Variants in ITGA9 observed in about 807,000 individuals in gnomAD.
ITGA9 encodes the protein integrin alpha-9.
Under a neutral mutation model 127.8 loss-of-function variants are expected in ITGA9, and 56 were observed. That is an observed-to-expected ratio of 0.44 (90% confidence interval 0.35 to 0.55). ITGA9 has a LOEUF of 0.55. Ranked by LOEUF, ITGA9 falls within the 20% of genes least tolerant of loss-of-function variation. ITGA9 has a pLI of 0.00. For missense variants in ITGA9, 1,196 were observed against 1,347.1 expected (o/e 0.89, Z 1.76); for synonymous variants, 508 against 514.5 (o/e 0.99, Z 0.17).
In ITGA9 at chr3:37,820,549, T is replaced by G. The variant is rs959145497; in HGVS notation, c.*1560T>G. On this transcript the variant is annotated 3_prime_UTR_variant, in exon 28 of 28. Coordinates refer to ENST00000264741, the MANE Select transcript of ITGA9 (RefSeq NM_002207.3). ...TCTCTGTTTGACAGTAGATATATTGTCAGATGCACTGTGCTGCTTAGTTTT... is the reference window on the plus strand; with the variant it reads ...TCTCTGTTTGACAGTAGATATATTGGCAGATGCACTGTGCTGCTTAGTTTT... The G allele has an allele frequency of 6.6e-6, 1 of 152,298 alleles. No individual in the cohort carries two copies. Among genetic ancestry groups the G allele is most frequent in the Non-Finnish European group, 1.5e-5 (1 of 68,114 alleles). 9.4% of individuals were successfully genotyped at this position (152,298 alleles called of 1,614,324 possible). A position where few individuals can be genotyped will look rare whatever the true frequency, so the allele number is the denominator to read the frequency against.
At chr3:37,485,435 A>G (rs1217872535) in intron 4 of ITGA9, among the ~76,000 whole-genome samples, 1 of 151,580 alleles carries the variant, frequency 6.6e-6, no homozygotes, top group African/African-American at 2.4e-5. Flanking sequence ...CTTTAGCCTC[A>G]GGCCTGTCAC....
intron 18 of ITGA9, among the ~76,000 whole-genome samples, chr3:37,694,876 A>G (rs1700867748): frequency 6.6e-6 from 1 of 152,220 alleles, no homozygotes; most frequent in Admixed American, 6.5e-5. Context: ...AAAATCGAGA[A>G]CTTCAGTGTC....
At chr3:37,789,084 C>T (rs1028693123) in intron 26 of ITGA9, among the ~76,000 whole-genome samples, 1 of 152,118 alleles carries the variant, frequency 6.6e-6, no homozygotes, top group Non-Finnish European at 1.5e-5. Context: ...TCATTATTTT[C>T]TCCTGTGTGC....
intron 23 of ITGA9, among the ~76,000 whole-genome samples, chr3:37,758,938 T>C (rs954497435): frequency 6.6e-6 from 1 of 151,968 alleles, no homozygotes; most frequent in African/African-American, 2.4e-5. Flanking sequence ...GTGAAAACCT[T>C]CCTAGATCAA....
intron 16 of ITGA9, among the ~76,000 whole-genome samples, chr3:37,642,371 A>G (rs1207645380): frequency 6.6e-6 from 1 of 152,222 alleles, no homozygotes; most frequent in Non-Finnish European, 1.5e-5. Context: ...CTTATTTGCT[A>G]TTGATCCGCA....
chr3:37,565,457 A>G (rs916049183), intron 15 of ITGA9, among the ~76,000 whole-genome samples: 4 of 152,226 alleles, frequency 2.6e-5, no homozygotes, highest in African/African-American at 9.6e-5. Flanking sequence ...GATAATTGCC[A>G]TATATGCTAT....
chr3:37,658,644 G>A (rs750726878), intron 17 of ITGA9, among the ~76,000 whole-genome samples: 1 of 152,076 alleles, frequency 6.6e-6, no homozygotes, highest in Admixed American at 6.5e-5. Flanking sequence ...CATCCAATTT[G>A]CCAGTCTGTG....
At chr3:37,542,281 G>A (rs1699280614) in intron 14 of ITGA9, 144 bp from the exon 15 acceptor site, 5 of 852,394 alleles carry the variant, frequency 5.9e-6, no homozygotes, top group African/African-American at 1.7e-5. Context: ...TTCTGAGCAA[G>A]TCTCTGCTTG....
intron 18 of ITGA9, among the ~76,000 whole-genome samples, chr3:37,707,453 C>T (rs567989909): frequency 1.9e-3 from 283 of 152,198 alleles, no homozygotes; most frequent in African/African-American, 6.5e-3. Flanking sequence ...ATTTGCAGTA[C>T]CCTCAAGTAC....
At chr3:37,508,485 C>T (rs1559523230) in intron 7 of ITGA9, 74 bp from the exon 8 acceptor site, 4 of 1,246,404 alleles carry the variant, frequency 3.2e-6, no homozygotes, top group Non-Finnish European at 4.6e-6. Flanking sequence ...AAATAGGACT[C>T]CCAGGAGAGT....
chr3:37,576,189 G>T (rs946479646), intron 15 of ITGA9, among the ~76,000 whole-genome samples: 16 of 152,188 alleles, frequency 1.1e-4, no homozygotes, highest in Admixed American at 9.8e-4. Flanking sequence ...GACATAGCTG[G>T]TAATGACAAA....
At chr3:37,777,279 A>G in intron 23 of ITGA9, 113 bp from the exon 24 acceptor site, 1 of 1,224,494 alleles carries the variant, frequency 8.2e-7, no homozygotes, top group African/African-American at 1.5e-5. Flanking sequence ...CAAAATGGAC[A>G]AGGAGGAAAG....
Position 37,820,231 on chromosome 3 carries a change from G to A in ITGA9, c.*1242G>A, listed in dbSNP as rs1697496067. 1 of 152,228 alleles carries A rather than the reference G, an allele frequency of 6.6e-6. No individual in the cohort carries two copies. The highest frequency in any genetic ancestry group is 1.5e-5 in the Non-Finnish European group (1 of 68,050). The allele number at this position is 152,228 out of a possible 1,614,324, so 9.4% of individuals were successfully genotyped here. ...GAGAGCTCCATGAAGTTTAGCCTCA[G>A]CCTGATCAGGGGAACTCCGGAGGAA... On this transcript the variant is annotated 3_prime_UTR_variant, in exon 28 of 28. Coordinates refer to ENST00000264741, the MANE Select transcript of ITGA9 (RefSeq NM_002207.3).
At chr3:37,472,461 C>A (rs1038720648) in intron 2 of ITGA9, among the ~76,000 whole-genome samples, 3 of 152,160 alleles carry the variant, frequency 2.0e-5, no homozygotes, top group African/African-American at 7.2e-5. Context: ...TGCAATGGTA[C>A]AATCTCTGCT....
At chr3:37,528,213 T>C (rs1699114213) in intron 13 of ITGA9, among the ~76,000 whole-genome samples, 1 of 152,204 alleles carries the variant, frequency 6.6e-6, no homozygotes, top group South Asian at 2.1e-4. Context: ...TCTTTTTCTC[T>C]TCTTCATGGT....
intron 17 of ITGA9, among the ~76,000 whole-genome samples, chr3:37,670,702 AT>A (rs1700629188): frequency 6.6e-6 from 1 of 152,160 alleles, no homozygotes; most frequent in African/African-American, 2.4e-5. Context: ...TTTATTTAAT[AT>A]GTTTTTTTTA....
At chr3:37,805,667 A>AT (rs1697286493) in intron 27 of ITGA9, among the ~76,000 whole-genome samples, 1 of 151,992 alleles carries the variant, frequency 6.6e-6, no homozygotes, top group Non-Finnish European at 1.5e-5. Flanking sequence ...AATTATATTT[A>AT]TTTTTTTATT....
Position 37,570,335 on chromosome 3 carries a change from T to G in ITGA9, c.1689+27750T>G, listed in dbSNP as rs552671793. Reference sequence around the variant, plus strand: ...TGCATCTCAGCTGGGTGGGACCCTTTGGGACAGGAGTAGGGGAATAATGCC... The same window carrying G: ...TGCATCTCAGCTGGGTGGGACCCTTGGGGACAGGAGTAGGGGAATAATGCC... On this transcript the variant is annotated intron_variant, in intron 15 of 27. Transcript: ENST00000264741. Among the ~76,000 whole-genome samples the G allele has an allele frequency of 4.6e-5, 7 of 152,366 alleles. No homozygotes were observed. The East Asian group carries it at 1.3e-3, about 29-fold the overall frequency.
At chr3:37,639,213 CAG>C (rs1700309665) in intron 16 of ITGA9, among the ~76,000 whole-genome samples, 1 of 152,068 alleles carries the variant, frequency 6.6e-6, no homozygotes, top group Non-Finnish European at 1.5e-5. Context: ...TTTCATTAAC[CAG>C]AGGAGTATTT....
Sources: allele counts gnomAD v4.1 joint callset (sites outside exome capture counted in the v4.1 genomes callset), GRCh38; gene constraint gnomAD v4.1.1; transcripts MANE v1.5; gene names NCBI Gene and HGNC (gene_info 2026-07-23, HGNC 2026-07-21).